Variants in SLC39A11 observed in about 807,000 individuals in gnomAD.
SLC39A11 encodes the protein zinc transporter ZIP11.
In SLC39A11, 33 loss-of-function variants were observed where a neutral mutation model predicts 36.1. That is an observed-to-expected ratio of 0.91 (90% CI 0.69 to 1.22). The LOEUF (loss-of-function observed/expected upper bound fraction) is 1.22. SLC39A11 is among the 50% of genes most tolerant of loss of function. SLC39A11 has a pLI of 0.00. For synonymous variants in SLC39A11, 166 were observed against 170.3 expected (o/e 0.97, Z 0.20); for missense variants, 432 against 430.3 (o/e 1.00, Z -0.03).
At chr17:72,786,318 C>T (rs2076513678) in intron 6 of SLC39A11, among the ~76,000 whole-genome samples, 1 of 152,224 alleles carries the variant, frequency 6.6e-6, no homozygotes, top group Admixed American at 6.5e-5. Context: ...ATCTTCGATG[C>T]TGGCACTTCC....
At chr17:72,910,787 C>T (rs925454823) in intron 5 of SLC39A11, among the ~76,000 whole-genome samples, 1 of 150,900 alleles carries the variant, frequency 6.6e-6, no homozygotes, top group Non-Finnish European at 1.5e-5. Context: ...AATAGCCGGG[C>T]GTGATGGCAG....
At chr17:73,017,191 C>T in intron 4 of SLC39A11, among the ~76,000 whole-genome samples, 1 of 152,132 alleles carries the variant, frequency 6.6e-6, no homozygotes, top group Non-Finnish European at 1.5e-5. Flanking sequence ...CCAATTAATT[C>T]CACTGTGACT....
intron 5 of SLC39A11, among the ~76,000 whole-genome samples, chr17:72,915,566 T>C (rs1052646407): frequency 6.6e-6 from 1 of 151,918 alleles, no homozygotes; most frequent in Non-Finnish European, 1.5e-5. Context: ...ATTAAAATCA[T>C]GTGGATACAA....
chr17:72,861,657 TTATATATA>T lies in SLC39A11; in HGVS notation c.431-11861_431-11854del, dbSNP rs373265286. On this transcript the variant is annotated intron_variant, in intron 5 of 9. Transcript: ENST00000255559. ...ACATGCACCATCTATATACAACACATTATATATATATATATATATATATATATATATAA... is the reference window on the plus strand; with the variant it reads ...ACATGCACCATCTATATACAACACATTATATATATATATATATATATATAA... Among the ~76,000 whole-genome samples, 55 of 50,962 alleles carry T rather than the reference TTATATATA, an allele frequency of 1.1e-3. 2 individuals are homozygous for T. Among genetic ancestry groups the T allele is most frequent in the East Asian group, 7.5e-3 (5 of 666 alleles). The allele number at this position is 50,962 out of a possible 152,430, so 33.4% of individuals were successfully genotyped here. A position where few individuals can be genotyped will look rare whatever the true frequency, so the allele number is the denominator to read the frequency against.
At chr17:72,910,940 AAAAAAAAAG>A (rs1384613786) in intron 5 of SLC39A11, among the ~76,000 whole-genome samples, 6 of 151,744 alleles carry the variant, frequency 4.0e-5, no homozygotes, top group Non-Finnish European at 2.9e-5. Context: ...AAAAAAAAAA[AAAAAAAAAG>A]AGTGTTCTTT....
At chr17:72,695,731 G>A (rs1341326862) in intron 7 of SLC39A11, among the ~76,000 whole-genome samples, 1 of 152,172 alleles carries the variant, frequency 6.6e-6, no homozygotes, top group Non-Finnish European at 1.5e-5. Flanking sequence ...GACAACCAGA[G>A]GAGAGACCCA....
chr17:72,987,003 G>A (rs923238920), intron 4 of SLC39A11, among the ~76,000 whole-genome samples: 1 of 152,240 alleles, frequency 6.6e-6, no homozygotes, highest in Non-Finnish European at 1.5e-5. Context: ...GAGCCCCAGT[G>A]CTGGAGGAGG....
At chr17:72,868,286 C>T (rs11868480) in intron 5 of SLC39A11, among the ~76,000 whole-genome samples, 8,839 of 152,156 alleles carry the variant, frequency 0.058, 350 homozygotes, top group Non-Finnish European at 0.091. Flanking sequence ...AAGTAAAACT[C>T]CCCAACTCTG....
At chr17:72,962,614 G>A (rs2086686614) in intron 4 of SLC39A11, among the ~76,000 whole-genome samples, 3 of 152,018 alleles carry the variant, frequency 2.0e-5, no homozygotes, top group South Asian at 4.2e-4. Context: ...TTGGCTCACT[G>A]TAACCTCTGC....
intron 5 of SLC39A11, among the ~76,000 whole-genome samples, chr17:72,914,381 A>C (rs1303599571): frequency 1.3e-5 from 2 of 152,196 alleles, no homozygotes; most frequent in Non-Finnish European, 2.9e-5. Context: ...TACAAATAAG[A>C]AACAATATAA....
At position 72,929,319 on chromosome 17, in the gene SLC39A11, T is replaced by G. The variant is rs138934824; in HGVS notation, c.430+18433A>C. ...GGCTGCGGACCAGCAGTGCTAAGCA[T>G]GCTGCAATATACAAGACATGGCTAC... On this transcript the variant is annotated intron_variant, in intron 5 of 9. Transcript: ENST00000255559. Among the ~76,000 whole-genome samples, 191 of 152,302 alleles carry G rather than the reference T, an allele frequency of 1.3e-3. 3 individuals are homozygous for G. The East Asian group carries it at 0.029, about 23-fold the overall frequency.
chr17:72,892,397 G>C (rs979021206), intron 5 of SLC39A11, among the ~76,000 whole-genome samples: 4 of 138,984 alleles, frequency 2.9e-5, no homozygotes, highest in African/African-American at 8.1e-5. Flanking sequence ...GCAACAAAGT[G>C]AGACTCCATC....
At chr17:72,828,744 C>T (rs186655934) in intron 6 of SLC39A11, among the ~76,000 whole-genome samples, 1 of 152,206 alleles carries the variant, frequency 6.6e-6, no homozygotes, top group African/African-American at 2.4e-5. Context: ...TTCCAGGACA[C>T]CATATGGCCC....
At chr17:73,025,618 G>T (rs2058508129) in intron 4 of SLC39A11, among the ~76,000 whole-genome samples, 1 of 152,154 alleles carries the variant, frequency 6.6e-6, no homozygotes, top group South Asian at 2.1e-4. Context: ...TGCACAGACT[G>T]ATTCCAACTG....
chr17:72,671,220 G>C (rs2071009486), intron 7 of SLC39A11, among the ~76,000 whole-genome samples: 2 of 152,170 alleles, frequency 1.3e-5, no homozygotes, highest in South Asian at 4.1e-4. Context: ...CTCTGGCTTT[G>C]AGCTCCCAGA....
intron 6 of SLC39A11, among the ~76,000 whole-genome samples, chr17:72,804,174 T>G (rs1030374363): frequency 1.3e-5 from 2 of 152,150 alleles, no homozygotes; most frequent in African/African-American, 4.8e-5. Flanking sequence ...TTTTTTGTAT[T>G]TTTAGTAGAG....
chr17:72,958,502 G>A (rs1246068685), intron 4 of SLC39A11, among the ~76,000 whole-genome samples: 2 of 152,052 alleles, frequency 1.3e-5, no homozygotes, highest in African/African-American at 4.8e-5. Flanking sequence ...AAATCAGTAA[G>A]AAAAAAACAA....
chr17:72,821,246 TA>T (rs2145555098), intron 6 of SLC39A11, among the ~76,000 whole-genome samples: 1 of 150,740 alleles, frequency 6.6e-6, no homozygotes, highest in East Asian at 1.9e-4. Context: ...CTCAGGCCTG[TA>T]ATCTCAGCAC....
intron 5 of SLC39A11, among the ~76,000 whole-genome samples, chr17:72,878,476 T>G (rs964701993): frequency 6.6e-6 from 1 of 152,192 alleles, no homozygotes; most frequent in Non-Finnish European, 1.5e-5. Context: ...GTTCCTGTTT[T>G]TCTCTCTTGG....
Sources: allele counts gnomAD v4.1 joint callset (sites outside exome capture counted in the v4.1 genomes callset), GRCh38; gene constraint gnomAD v4.1.1; transcripts MANE v1.5; gene names NCBI Gene and HGNC (gene_info 2026-07-23, HGNC 2026-07-21).